The following COX18 variants were observed in gnomAD, a reference collection of about 807,000 sequenced individuals.
COX18 encodes the protein cytochrome c oxidase assembly protein COX18, mitochondrial.
Under a neutral mutation model 38.0 loss-of-function variants are expected in COX18, and 45 were observed. That is an observed-to-expected ratio of 1.18 (90% CI 0.93 to 1.52). The LOEUF (loss-of-function observed/expected upper bound fraction) is 1.52. COX18 is among the 40% of genes most tolerant of loss of function. The pLI is 0.00. For synonymous variants in COX18, 177 were observed against 169.8 expected, an observed-to-expected ratio of 1.04 and a Z score of -0.33; for missense variants, 462 against 423.8, an observed-to-expected ratio of 1.09 and a Z score of -0.79.
chr4:73,066,227 C>A (rs943103693), intron 2 of COX18, among the ~76,000 whole-genome samples: 8 of 152,232 alleles, frequency 5.3e-5, no homozygotes, highest in African/African-American at 1.9e-4. Flanking sequence ...CTCCTCTAGA[C>A]ACCTGCATAT....
At chr4:73,069,731 G>A, upstream of COX18, 4 of 1,357,054 alleles carry the variant, frequency 2.9e-6, no homozygotes, top group African/African-American at 1.4e-5. Flanking sequence ...ATACGCGCAC[G>A]CGCCAGCAAC....
rs1158917362 is a variant in COX18, at chr4:73,054,503, C to G, written c.*3611G>C. The G allele has an allele frequency of 1.3e-5, 2 of 152,172 alleles. No individual in the cohort carries two copies. Among genetic ancestry groups the G allele is most frequent in the Non-Finnish European group, 2.9e-5 (2 of 68,038 alleles). The allele number at this position is 152,172 out of a possible 1,614,324, so 9.4% of individuals were successfully genotyped here. ...GGGTTTATCCCAAGATCCCAGCAACCCCCACTTGTGAGAAATTATTTTGAG... is the reference window on the plus strand; with the variant it reads ...GGGTTTATCCCAAGATCCCAGCAACGCCCACTTGTGAGAAATTATTTTGAG... On this transcript the variant is annotated 3_prime_UTR_variant, in exon 6 of 6. Coordinates refer to ENST00000507544, the MANE Select transcript of COX18 (RefSeq NM_001297732.2).
intron 2 of COX18, 81 bp downstream of exon 2, chr4:73,067,948 T>TTATG (rs1340154624): frequency 1.4e-6 from 1 of 706,474 alleles, no homozygotes. Flanking sequence ...ACATCACAAT[T>TTATG]TATGTATGTG....
In COX18 at chr4:73,056,591, A is replaced by G. The variant is rs1719894299; in HGVS notation, c.*1523T>C. Reference sequence around the variant, plus strand: ...GGGACTTGTATGCATGGACTACTTTACTGCATATATTTCAAGTTGCCCCCG... The same window carrying G: ...GGGACTTGTATGCATGGACTACTTTGCTGCATATATTTCAAGTTGCCCCCG... On this transcript the variant is annotated 3_prime_UTR_variant, in exon 6 of 6. Coordinates refer to ENST00000507544, the MANE Select transcript of COX18 (RefSeq NM_001297732.2). 1 of 152,094 alleles carries G rather than the reference A, an allele frequency of 6.6e-6. No individual in the cohort carries two copies. Among genetic ancestry groups the G allele is most frequent in the Admixed American group, 6.6e-5 (1 of 15,248 alleles). The allele number at this position is 152,094 out of a possible 1,614,324, so 9.4% of individuals were successfully genotyped here.
chr4:73,067,984 G>GTA, intron 2 of COX18, 45 bp downstream of exon 2: 1 of 915,942 alleles, frequency 1.1e-6, no homozygotes, highest in Non-Finnish European at 1.8e-6. Context: ...GTGTGTGTGT[G>GTA]TGTGTATGTG....
At chr4:73,065,110 G>T (rs1720370474) in intron 3 of COX18, 140 bp downstream of exon 3, 1 of 937,380 alleles carries the variant, frequency 1.1e-6, no homozygotes, top group Non-Finnish European at 1.6e-6. Context: ...TTACACTTAA[G>T]ACTTTAAATT....
intron 4 of COX18, among the ~76,000 whole-genome samples, chr4:73,062,948 A>G (rs1720250036): frequency 6.6e-6 from 1 of 152,196 alleles, no homozygotes; most frequent in Non-Finnish European, 1.5e-5. Flanking sequence ...TTAAAAAAGG[A>G]TAATATTTAG....
chr4:73,067,456 T>C (rs1177942671), intron 2 of COX18, among the ~76,000 whole-genome samples: 1 of 152,184 alleles, frequency 6.6e-6, no homozygotes, highest in East Asian at 1.9e-4. Flanking sequence ...CCCTAAAGAA[T>C]AGGAACATAC....
intron 4 of COX18, among the ~76,000 whole-genome samples, chr4:73,062,934 T>C (rs1720249279): frequency 6.6e-6 from 1 of 152,208 alleles, no homozygotes; most frequent in African/African-American, 2.4e-5. Context: ...TCACTTTCTC[T>C]GCATTAAAAA....
At position 73,058,259 on chromosome 4, in the gene COX18, C is replaced by G. The variant is rs1400450487; in HGVS notation, c.860G>C (p.Ser287Thr). The part of the protein sequence containing the change: ...SSIVLYWLCS[S>T]FVGLSQNLLL... ...CAAATTCTGTGAAAGGCCCACGAAGCTGGAGCATAACCAGTAGAGAACAAT... is the reference window on the plus strand; with the variant it reads ...CAAATTCTGTGAAAGGCCCACGAAGGTGGAGCATAACCAGTAGAGAACAAT... The change falls in exon 6 of 6, where the codon AGC (serine) becomes ACC (threonine). Residue 287 changes from serine to threonine, a missense_variant. Ser to Thr is a moderately conservative substitution (Grantham distance 58). Coordinates refer to ENST00000507544, the MANE Select transcript of COX18 (RefSeq NM_001297732.2). The G allele has an allele frequency of 6.2e-7, 1 of 1,613,396 alleles. No individual in the cohort carries two copies. The highest frequency in any genetic ancestry group is 1.1e-5 in the South Asian group (1 of 90,888).
At chr4:73,059,997 T>C (rs1329689195) in intron 5 of COX18, among the ~76,000 whole-genome samples, 2 of 152,162 alleles carry the variant, frequency 1.3e-5, no homozygotes, top group Non-Finnish European at 2.9e-5. Context: ...TGGTGGAACA[T>C]CTGGCAAGTC....
intron 4 of COX18, 88 bp from the exon 5 acceptor site, chr4:73,062,008 TG>T: frequency 1.9e-6 from 1 of 535,394 alleles, no homozygotes. Context: ...GATTTTTCAC[TG>T]GCCTCCATCT....
rs776772795 is a variant in COX18, at chr4:73,061,877, T to C, written c.767A>G (p.Tyr256Cys). 27 of 1,613,570 alleles carry C rather than the reference T, an allele frequency of 1.7e-5. No homozygotes were observed. The highest frequency in any genetic ancestry group is 4.0e-5 in the African/African-American group (3 of 74,912). ...CATTGCACGGACAAAGTACGTAATA[T>C]ACGTCTGAAAACGAGACATTCCAAT... ...QKIGMSRFQT[Y>C]ITYFVRAMSV... Residue 256 changes from tyrosine to cysteine, a missense_variant, in exon 5 of 6, where the codon TAT becomes TGT. Coordinates refer to ENST00000507544, the MANE Select transcript of COX18 (RefSeq NM_001297732.2).
At chr4:73,062,700 T>C (rs1232472073) in intron 4 of COX18, among the ~76,000 whole-genome samples, 1 of 151,928 alleles carries the variant, frequency 6.6e-6, no homozygotes, top group Non-Finnish European at 1.5e-5. Context: ...CTGGGCGTGG[T>C]GGCATGTCTG....
Position 73,061,517 on chromosome 4 carries a change from G to T in COX18, c.831+296C>A, listed in dbSNP as rs533240270. On this transcript the variant is annotated intron_variant, in intron 5 of 5. Transcript: ENST00000507544. ...AGGTCAGGAGATCGAGACCATCCTG[G>T]TTAATATGGTGAAACCCCGTCTCTA... Among the ~76,000 whole-genome samples, 138 of 152,002 alleles carry T rather than the reference G, an allele frequency of 9.1e-4. 4 individuals carry two copies. The South Asian group carries it at 0.028, about 31-fold the overall frequency.
rs1577959220 is a variant in COX18, at chr4:73,068,065, C to T, written c.398G>A (p.Arg133His). 6.2e-7 allele frequency: 1 copy of T among 1,610,554 alleles called. No individual in the cohort carries two copies. Among genetic ancestry groups the T allele is most frequent in the East Asian group, 2.2e-5 (1 of 44,702 alleles). The change falls in exon 2 of 6, where the codon CGT becomes CAT. Residue 133 changes from arginine (R) to histidine (H), a missense_variant. Physicochemically the swap from Arg to His is conservative, Grantham distance 29. Transcript: ENST00000507544. Reference sequence around the variant, plus strand: ...TTTGGACCACCCCAACTGATTTGCACGAACTGCAACTTCTTGGTTAAGATG... The same window carrying T: ...TTTGGACCACCCCAACTGATTTGCATGAACTGCAACTTCTTGGTTAAGATG... ...ARHLNQEVAV[R>H]ANQLGWSKRD...
chr4:73,064,743 T>C (rs763509421), intron 4 of COX18, 35 bp downstream of exon 4: 1 of 1,604,512 alleles, frequency 6.2e-7, no homozygotes, highest in Non-Finnish European at 8.5e-7. Context: ...AAAATCCCCA[T>C]AAATGGCAAA....
Position 73,065,172 on chromosome 4 carries a change from CTTTT to C in COX18, c.598+74_598+77del, listed in dbSNP as rs71215480. 1,310 of 684,480 alleles carry C rather than the reference CTTTT, an allele frequency of 1.9e-3. 4 individuals carry two copies. The highest frequency in any genetic ancestry group is 2.2e-3 in the Admixed American group (65 of 29,512). 42.4% of individuals were successfully genotyped at this position (684,480 alleles called of 1,614,324 possible). On this transcript the variant is annotated intron_variant, in intron 3 of 5. Transcript: ENST00000507544. ...ACATATCGTAATTATGAAAAGTATG[CTTTT>C]TTTTTTTTTTTTTTTTTTTTAGTAC...
chr4:73,069,209 G>A (rs983797177), intron 1 of COX18, 108 bp downstream of exon 1: 2 of 774,214 alleles, frequency 2.6e-6, no homozygotes, highest in Non-Finnish European at 4.0e-6. Context: ...TAAACACTAA[G>A]CACTGCAGAA....
Sources: gnomAD v4.1 joint callset for allele counts (sites outside exome capture counted in the v4.1 genomes callset) on GRCh38, gnomAD v4.1.1 for gene constraint, MANE v1.5 for transcripts, NCBI Gene and HGNC (gene_info 2026-07-23, HGNC 2026-07-21) for gene names.